The following ARMC2 variants were observed in gnomAD, a reference collection of about 807,000 sequenced individuals.
ARMC2 encodes armadillo repeat-containing protein 2.
A neutral mutation model predicts 90.3 loss-of-function variants in ARMC2; 67 were observed. The ratio of observed to expected loss-of-function variants is 0.74; its 90% CI spans 0.61 to 0.91. The LOEUF (loss-of-function observed/expected upper bound fraction) is 0.91. ARMC2 is among the 40% of genes least tolerant of loss of function. The probability of loss-of-function intolerance (pLI) is 0.00; values close to 1 mark genes in which losing one functional copy is unlikely to be tolerated. For missense variants in ARMC2, 920 were observed against 1,030.9 expected, an observed-to-expected ratio of 0.89 and a Z score of 1.47; for synonymous variants, 393 against 393.0, an observed-to-expected ratio of 1.00 and a Z score of 0.00.
intron 13 of ARMC2, among the ~76,000 whole-genome samples, 179 bp from the exon 14 acceptor site, chr6:108,961,393 G>A (rs749069165): frequency 6.6e-6 from 1 of 152,194 alleles, no homozygotes; most frequent in Non-Finnish European, 1.5e-5. Context: ...TTGCATTTGG[G>A]GCATTTCCGT....
chr6:108,973,668 G>C lies in ARMC2; in HGVS notation c.*154G>C. On this transcript the variant is annotated 3_prime_UTR_variant, in exon 18 of 18. Transcript: ENST00000392644. Reference sequence around the variant, plus strand: ...TAGCTGAAGTATTTTTTAAAATTAAGCATTTCTTCTTGTTAGGTATTATGG... The same window carrying C: ...TAGCTGAAGTATTTTTTAAAATTAACCATTTCTTCTTGTTAGGTATTATGG... 2 of 675,200 alleles carry C rather than the reference G, an allele frequency of 3.0e-6. No individual in the cohort carries two copies. The highest frequency in any genetic ancestry group is 4.7e-6 in the Non-Finnish European group (2 of 426,126). The allele number at this position is 675,200 out of a possible 1,614,324, so 41.8% of individuals were successfully genotyped here. A position where few individuals can be genotyped will look rare whatever the true frequency, so the allele number is the denominator to read the frequency against.
At chr6:108,917,836 A>G (rs1774127146) in intron 10 of ARMC2, among the ~76,000 whole-genome samples, 1 of 151,946 alleles carries the variant, frequency 6.6e-6, no homozygotes, top group South Asian at 2.1e-4. Flanking sequence ...TTAGTACAAA[A>G]CTAAAATTGT....
the ARMC2 span, among the ~76,000 whole-genome samples, chr6:109,044,517 A>C: frequency 1.3e-5 from 2 of 151,914 alleles, no homozygotes; most frequent in African/African-American, 4.8e-5. Context: ...CACAGACCTA[A>C]ATTTAATATA....
intron 10 of ARMC2, among the ~76,000 whole-genome samples, chr6:108,916,093 A>G (rs1773936587): frequency 6.6e-6 from 1 of 152,020 alleles, no homozygotes; most frequent in Non-Finnish European, 1.5e-5. Context: ...AAAAAAACAC[A>G]GTGTTGAACT....
chr6:108,913,886 C>T (rs2128473808), intron 10 of ARMC2, among the ~76,000 whole-genome samples: 1 of 152,224 alleles, frequency 6.6e-6, no homozygotes, highest in South Asian at 2.1e-4. Flanking sequence ...TATTCTATGC[C>T]CTTCTCTCTC....
intron 5 of ARMC2, among the ~76,000 whole-genome samples, chr6:108,884,567 C>T (rs1777898786): frequency 6.6e-6 from 1 of 152,096 alleles, no homozygotes; most frequent in South Asian, 2.1e-4. Flanking sequence ...GGATGGAGCA[C>T]TGTGTTCTTG....
intron 5 of ARMC2, among the ~76,000 whole-genome samples, chr6:108,885,211 A>G (rs2768535): frequency 0.81 from 123,539 of 151,918 alleles, 50,344 homozygotes; most frequent in South Asian, 0.86. Context: ...AGTGATTATT[A>G]AAAAAGGTGC....
chr6:108,871,250 C>G (rs1776383331), intron 4 of ARMC2, among the ~76,000 whole-genome samples: 3 of 152,022 alleles, frequency 2.0e-5, no homozygotes, highest in African/African-American at 7.2e-5. Context: ...GAAAACACAC[C>G]CAGCTGTGTT....
At chr6:109,004,266 A>G in the ARMC2 span, among the ~76,000 whole-genome samples, 4 of 152,186 alleles carry the variant, frequency 2.6e-5, no homozygotes, top group South Asian at 2.1e-4. Flanking sequence ...GTCATAAAAT[A>G]TAAGATTGAT....
At chr6:108,966,132 TG>T (rs1435214129) in intron 17 of ARMC2, among the ~76,000 whole-genome samples, 1 of 145,140 alleles carries the variant, frequency 6.9e-6, no homozygotes, top group Non-Finnish European at 1.5e-5. Flanking sequence ...GGAGGCCATG[TG>T]GAAAGGCTCA....
chr6:108,902,489 T>C (rs1772248316), intron 7 of ARMC2, among the ~76,000 whole-genome samples: 1 of 152,192 alleles, frequency 6.6e-6, no homozygotes, highest in Admixed American at 6.5e-5. Flanking sequence ...CACAGAAGAA[T>C]AAAACAACAA....
chr6:108,948,698 G>A (rs1022759362), intron 12 of ARMC2, among the ~76,000 whole-genome samples: 1 of 151,644 alleles, frequency 6.6e-6, no homozygotes, highest in Non-Finnish European at 1.5e-5. Flanking sequence ...CTGCACTGGA[G>A]GCTTACTAAT....
chr6:109,005,538 T>C, the ARMC2 span, among the ~76,000 whole-genome samples: 1 of 152,250 alleles, frequency 6.6e-6, no homozygotes, highest in African/African-American at 2.4e-5. Flanking sequence ...ATATAGTTTA[T>C]ATGCCAAATT....
the ARMC2 span, among the ~76,000 whole-genome samples, chr6:109,026,146 A>G: frequency 6.6e-6 from 1 of 152,200 alleles, no homozygotes; most frequent in Non-Finnish European, 1.5e-5. Context: ...GGATCAAAAT[A>G]TTGAGAGAAA....
Position 108,928,177 on chromosome 6 carries a change from A to G in ARMC2, c.1440A>G (p.Ala480=), listed in dbSNP as rs1775257411. 6.2e-7 allele frequency: 1 copy of G among 1,612,924 alleles called. No homozygotes were observed. Among genetic ancestry groups the G allele is most frequent in the Non-Finnish European group, 8.5e-7 (1 of 1,179,510 alleles). The change falls in exon 11 of 18, where the codon GCA becomes GCG. Residue 480 remains alanine, a synonymous_variant. Coordinates refer to ENST00000392644, the MANE Select transcript of ARMC2 (RefSeq NM_032131.6). ...NISALPQLCT[A]MEQYKGDKDV... ...GTGCCCTTCCCCAGCTCTGCACGGC[A>G]ATGGAACAGTACAAGGGTGACAAGG...
At chr6:108,940,181 G>A (rs569570920) in intron 12 of ARMC2, among the ~76,000 whole-genome samples, 103 of 152,284 alleles carry the variant, frequency 6.8e-4, no homozygotes, top group African/African-American at 2.4e-3. Flanking sequence ...CAGGAGAATC[G>A]CTTGAACCTG....
chr6:108,967,424 G>A (rs1778450096), intron 17 of ARMC2, among the ~76,000 whole-genome samples: 1 of 152,154 alleles, frequency 6.6e-6, no homozygotes, highest in African/African-American at 2.4e-5. Flanking sequence ...TCAGAAGGAG[G>A]TGTGGGCATG....
chr6:108,927,486 A>G (rs1382943963), intron 10 of ARMC2, among the ~76,000 whole-genome samples: 1 of 152,200 alleles, frequency 6.6e-6, no homozygotes, highest in African/African-American at 2.4e-5. Context: ...CATTAGTTTT[A>G]TGATTTACTA....
the ARMC2 span, among the ~76,000 whole-genome samples, chr6:108,996,895 G>A: frequency 6.6e-6 from 1 of 152,116 alleles, no homozygotes; most frequent in Non-Finnish European, 1.5e-5. Flanking sequence ...AACAGACATG[G>A]AAGAAATTTA....
Sources: gnomAD v4.1 joint callset for allele counts (sites outside exome capture counted in the v4.1 genomes callset) on GRCh38, gnomAD v4.1.1 for gene constraint, MANE v1.5 for transcripts, NCBI Gene and HGNC (gene_info 2026-07-23, HGNC 2026-07-21) for gene names.